Variants in MRPL1 observed in about 807,000 individuals in gnomAD.
The protein encoded by MRPL1 is mitochondrial ribosomal protein L1, also known as large ribosomal subunit protein uL1m.
MRPL1 carries 28 observed loss-of-function variants against 38.0 expected under a neutral mutation model. The observed-to-expected ratio is 0.74, with a 90% CI of 0.55 to 1.01. The LOEUF (loss-of-function observed/expected upper bound fraction) is 1.01. Ranked by LOEUF, MRPL1 falls within the 50% of genes least tolerant of loss-of-function variation. MRPL1 has a pLI of 0.00. For synonymous variants in MRPL1, 123 were observed against 126.7 expected (o/e 0.97, Z 0.20); for missense variants, 358 against 389.8 (o/e 0.92, Z 0.69).
At chr4:77,906,506 A>C (rs1401231496) in intron 6 of MRPL1, among the ~76,000 whole-genome samples, 1 of 152,192 alleles carries the variant, frequency 6.6e-6, no homozygotes, top group Non-Finnish European at 1.5e-5. Flanking sequence ...GAAGCAGGGA[A>C]AATTGACAAT....
chr4:77,919,254 G>A (rs1736507078), intron 7 of MRPL1, among the ~76,000 whole-genome samples: 1 of 151,570 alleles, frequency 6.6e-6, no homozygotes, highest in South Asian at 2.1e-4. Context: ...TTTTTTCACT[G>A]TTAGATTTCT....
rs151164333 is a variant in MRPL1 at position 77,894,172 on chromosome 4, G to A, written c.592G>A (p.Val198Ile). 451 of 1,600,886 alleles carry A rather than the reference G, an allele frequency of 2.8e-4. No individual in the cohort carries two copies. Among genetic ancestry groups the A allele is most frequent in the Admixed American group, 3.6e-4 (21 of 58,152 alleles). The change falls in exon 6 of 9, where the codon GTA becomes ATA. Residue 198 changes from valine to isoleucine, a missense_variant. Physicochemically the swap from Val to Ile is conservative, Grantham distance 29. Coordinates refer to ENST00000315567, the MANE Select transcript of MRPL1 (RefSeq NM_020236.4). ...WDDEIVADFY[V>I]AVPEIMPELN... ...TGATGAAATTGTTGCAGACTTTTAC[G>A]TAGCTGTTCCAGAAATAATGCCTGA... is the stretch of plus-strand genomic sequence containing the variant.
chr4:77,874,404 C>T (rs1735347442), intron 2 of MRPL1, among the ~76,000 whole-genome samples: 1 of 152,150 alleles, frequency 6.6e-6, no homozygotes, highest in Admixed American at 6.6e-5. Flanking sequence ...AACTATTCCC[C>T]TATTGAGGCA....
At chr4:77,883,177 C>CA (rs1735584641) in intron 2 of MRPL1, 65 bp from the exon 3 acceptor site, 1 of 1,073,032 alleles carries the variant, frequency 9.3e-7, no homozygotes, top group South Asian at 2.0e-5. Flanking sequence ...TGTACACTGG[C>CA]TTTTTTTTTA....
intron 1 of MRPL1, chr4:77,864,744 T>A (rs1170474702): frequency 6.6e-6 from 1 of 152,174 alleles, no homozygotes; most frequent in Admixed American, 6.5e-5. Flanking sequence ...AATATGAAAT[T>A]GCAAATGTTT....
intron 1 of MRPL1, among the ~76,000 whole-genome samples, chr4:77,866,778 G>A (rs1294643377): frequency 3.5e-5 from 5 of 143,364 alleles, no homozygotes; most frequent in South Asian, 2.2e-4. Flanking sequence ...ACAGAGTTTC[G>A]CTCTTGTTGC....
At chr4:77,943,271 T>G (rs976611429) in intron 7 of MRPL1, among the ~76,000 whole-genome samples, 1 of 152,054 alleles carries the variant, frequency 6.6e-6, no homozygotes, top group Non-Finnish European at 1.5e-5. Flanking sequence ...GGGTTTTCCT[T>G]TTTAGGTTAC....
chr4:77,926,884 C>T (rs570978105), intron 7 of MRPL1, among the ~76,000 whole-genome samples: 4 of 152,254 alleles, frequency 2.6e-5, no homozygotes, highest in East Asian at 1.9e-4. Context: ...GCTGGGATTT[C>T]GGGCGTGAGC....
At chr4:77,895,539 TA>T (rs1735894112) in intron 6 of MRPL1, among the ~76,000 whole-genome samples, 1 of 152,130 alleles carries the variant, frequency 6.6e-6, no homozygotes, top group Admixed American at 6.5e-5. Context: ...TTATTTCAAA[TA>T]AAATTTTGTA....
intron 7 of MRPL1, among the ~76,000 whole-genome samples, chr4:77,925,309 G>T (rs909747359): frequency 3.3e-5 from 5 of 151,242 alleles, no homozygotes; most frequent in African/African-American, 1.2e-4. Context: ...ACTGTGAATA[G>T]ATTTATAGAG....
intron 7 of MRPL1, among the ~76,000 whole-genome samples, chr4:77,928,161 A>G (rs1459850612): frequency 6.6e-6 from 1 of 152,234 alleles, no homozygotes; most frequent in Non-Finnish European, 1.5e-5. Flanking sequence ...AGCATATTGT[A>G]ACAAAAATAA....
At chr4:77,935,503 C>T (rs1421774943) in intron 7 of MRPL1, among the ~76,000 whole-genome samples, 2 of 151,954 alleles carry the variant, frequency 1.3e-5, no homozygotes, top group Non-Finnish European at 1.5e-5. Flanking sequence ...AAGCAATTCT[C>T]CTGCCCTCGG....
intron 6 of MRPL1, among the ~76,000 whole-genome samples, chr4:77,907,816 G>A (rs1297771986): frequency 2.0e-5 from 3 of 151,846 alleles, no homozygotes; most frequent in African/African-American, 4.8e-5. Context: ...TGCCCACCAC[G>A]GCCTCCCAAA....
intron 7 of MRPL1, among the ~76,000 whole-genome samples, chr4:77,918,226 A>G (rs1560469538): frequency 1.3e-5 from 2 of 152,206 alleles, no homozygotes; most frequent in Admixed American, 1.3e-4. Context: ...TCAAAATAAC[A>G]TGCATGATGA....
chr4:77,944,783 A>G (rs1737215161), intron 7 of MRPL1, among the ~76,000 whole-genome samples: 1 of 152,150 alleles, frequency 6.6e-6, no homozygotes, highest in Non-Finnish European at 1.5e-5. Flanking sequence ...TCCCCTTAGT[A>G]TACAACACGC....
intron 2 of MRPL1, among the ~76,000 whole-genome samples, chr4:77,882,464 A>G (rs1352508797): frequency 6.6e-6 from 1 of 152,164 alleles, no homozygotes; most frequent in Non-Finnish European, 1.5e-5. Flanking sequence ...CCCCATGCCC[A>G]TGAGCATTCA....
At chr4:77,903,464 G>GTAC (rs1362876105) in intron 6 of MRPL1, among the ~76,000 whole-genome samples, 2 of 152,196 alleles carry the variant, frequency 1.3e-5, no homozygotes, top group East Asian at 3.8e-4. Flanking sequence ...GTTCAACATT[G>GTAC]TACTGGATGG....
chr4:77,940,861 A>ATGT (rs1252944008), intron 7 of MRPL1, among the ~76,000 whole-genome samples: 2 of 152,304 alleles, frequency 1.3e-5, no homozygotes, highest in East Asian at 3.9e-4. Context: ...TAACTTGCAT[A>ATGT]TGTTAAACTA....
intron 1 of MRPL1, among the ~76,000 whole-genome samples, chr4:77,866,825 G>A (rs1735157408): frequency 6.7e-6 from 1 of 149,920 alleles, no homozygotes; most frequent in Non-Finnish European, 1.5e-5. Flanking sequence ...TCGGCTCACT[G>A]CAACCTCCGC....
Sources: gnomAD v4.1 joint callset for allele counts (sites outside exome capture counted in the v4.1 genomes callset) on GRCh38, gnomAD v4.1.1 for gene constraint, MANE v1.5 for transcripts, NCBI Gene and HGNC (gene_info 2026-07-23, HGNC 2026-07-21) for gene names.